The following FHOD3 variants were observed in gnomAD, a reference collection of about 807,000 sequenced individuals.
FHOD3 encodes the protein formin homology 2 domain containing 3, also known as FH1/FH2 domain-containing protein 3.
FHOD3 carries 90 observed loss-of-function variants against 173.0 expected under a neutral mutation model. The observed-to-expected ratio is 0.52, with a 90% CI of 0.44 to 0.62. The LOEUF (loss-of-function observed/expected upper bound fraction) is 0.62. Ranked by LOEUF, FHOD3 falls within the 20% of genes least tolerant of loss-of-function variation. The probability of loss-of-function intolerance (pLI) is 0.00; values close to 1 mark genes in which losing one functional copy is unlikely to be tolerated. For synonymous variants in FHOD3, 828 were observed against 823.0 expected (o/e 1.01, Z -0.10); for missense variants, 1,945 against 2,034.7 (o/e 0.96, Z 0.85).
At chr18:36,709,008 A>G in intron 17 of FHOD3, 87 bp from the exon 18 acceptor site, 3 of 1,499,844 alleles carry the variant, frequency 2.0e-6, no homozygotes, top group South Asian at 2.6e-5. Flanking sequence ...TCCACCACAG[A>G]GAAATCAACC....
chr18:36,769,436 T>C lies in FHOD3; in HGVS notation c.4786+10T>C, dbSNP rs1703154565. The C allele has an allele frequency of 6.2e-7, 1 of 1,613,464 alleles. No homozygotes were observed. The highest frequency in any genetic ancestry group is 1.7e-5 in the Admixed American group (1 of 59,954). On this transcript the variant is annotated intron_variant, in intron 28 of 28. Coordinates refer to ENST00000590592, the MANE Select transcript of FHOD3 (RefSeq NM_001281740.3). ...GCCAACCGGAAATCTTGTGAGTGCA[T>C]TAAAGGAGGGGCGAGCCTTCACCCC...
intron 3 of FHOD3, among the ~76,000 whole-genome samples, chr18:36,435,727 A>G (rs542000451): frequency 2.0e-5 from 3 of 152,304 alleles, no homozygotes; most frequent in East Asian, 3.9e-4. Context: ...GAATGCACAG[A>G]TTTGCTAAGT....
Position 36,642,839 on chromosome 18 carries a change from T to G in FHOD3, c.1197-6477T>G, listed in dbSNP as rs16968118. 6.1e-3 allele frequency among the ~76,000 whole-genome samples: 928 copies of G among 152,214 alleles called. 10 individuals carry two copies. Among genetic ancestry groups the G allele is most frequent in the African/African-American group, 0.021 (852 of 41,534 alleles). ...TCCCTAGGCCTGGGTAACCAATACTTAAATATGTGTTTATCACTGTCTTAC... is the reference window on the plus strand; with the variant it reads ...TCCCTAGGCCTGGGTAACCAATACTGAAATATGTGTTTATCACTGTCTTAC... On this transcript the variant is annotated intron_variant, in intron 10 of 28. Coordinates refer to ENST00000590592, the MANE Select transcript of FHOD3 (RefSeq NM_001281740.3).
chr18:36,518,347 G>A (rs2056101072), intron 5 of FHOD3, among the ~76,000 whole-genome samples: 3 of 152,156 alleles, frequency 2.0e-5, no homozygotes, highest in Non-Finnish European at 4.4e-5. Flanking sequence ...TGCCAGAAGG[G>A]TTTTCTGCTT....
At chr18:36,656,133 TC>T (rs1425382626) in intron 13 of FHOD3, among the ~76,000 whole-genome samples, 2 of 152,070 alleles carry the variant, frequency 1.3e-5, no homozygotes, top group African/African-American at 4.8e-5. Flanking sequence ...GCAGCCTCCT[TC>T]CCCTCCCTCA....
chr18:36,610,349 G>C (rs568761907), intron 8 of FHOD3, among the ~76,000 whole-genome samples: 2 of 152,194 alleles, frequency 1.3e-5, no homozygotes, highest in Admixed American at 6.5e-5. Context: ...TTCTTTGAAT[G>C]ATGTGCAATT....
intron 3 of FHOD3, among the ~76,000 whole-genome samples, chr18:36,470,083 G>C (rs939096066): frequency 1.3e-5 from 2 of 152,228 alleles, no homozygotes; most frequent in Non-Finnish European, 2.9e-5. Context: ...GATGGTAGGA[G>C]AGCGGGGTGC....
At chr18:36,372,872 GA>G (rs1162839446) in intron 3 of FHOD3, 128 bp downstream of exon 3, 2 of 748,090 alleles carry the variant, frequency 2.7e-6, no homozygotes, top group Non-Finnish European at 2.2e-6. Flanking sequence ...GAGTTTTAGT[GA>G]AACAATTTCC....
At chr18:36,528,148 G>A (rs1392527009) in intron 5 of FHOD3, among the ~76,000 whole-genome samples, 2 of 152,168 alleles carry the variant, frequency 1.3e-5, no homozygotes, top group African/African-American at 4.8e-5. Context: ...AATCAGCTGG[G>A]GATGGTTGTC....
intron 17 of FHOD3, among the ~76,000 whole-genome samples, chr18:36,702,032 G>A (rs752702833): frequency 3.9e-5 from 6 of 152,212 alleles, no homozygotes; most frequent in Non-Finnish European, 7.3e-5. Context: ...TTTTGCAAGT[G>A]ATAAGCTGTC....
chr18:36,573,471 T>C (rs1447729753), intron 5 of FHOD3, among the ~76,000 whole-genome samples: 1 of 146,432 alleles, frequency 6.8e-6, no homozygotes, highest in South Asian at 2.1e-4. Context: ...CTTGGTGTGG[T>C]GGCATGTGTC....
chr18:36,311,339 C>A (rs1568106072), intron 1 of FHOD3, among the ~76,000 whole-genome samples: 1 of 152,132 alleles, frequency 6.6e-6, no homozygotes, highest in Non-Finnish European at 1.5e-5. Flanking sequence ...TCCTTCCTCC[C>A]TTTCACAGAT....
intron 3 of FHOD3, among the ~76,000 whole-genome samples, chr18:36,373,370 A>G (rs1225174999): frequency 6.6e-6 from 1 of 152,208 alleles, no homozygotes; most frequent in Non-Finnish European, 1.5e-5. Flanking sequence ...GCTTTTGTTT[A>G]ATGTATGGTG....
chr18:36,453,551 C>T (rs997697969), intron 3 of FHOD3, among the ~76,000 whole-genome samples: 1 of 152,262 alleles, frequency 6.6e-6, no homozygotes, highest in African/African-American at 2.4e-5. Flanking sequence ...CCAGTTTTTG[C>T]TTTCATGGAG....
intron 1 of FHOD3, among the ~76,000 whole-genome samples, chr18:36,313,443 T>G (rs1025348281): frequency 6.6e-6 from 1 of 152,200 alleles, no homozygotes; most frequent in African/African-American, 2.4e-5. Flanking sequence ...CCTTTTGTAG[T>G]TGTGCATTCT....
chr18:36,642,516 G>A lies in FHOD3; in HGVS notation c.1197-6800G>A, dbSNP rs112439376. On this transcript the variant is annotated intron_variant, in intron 10 of 28. Transcript: ENST00000590592. ...TGCCTGTAGTTCCAGCTAGGAGGCGGAGCTTACGGTGAGCCGAGAGAGCGC... is the reference window on the plus strand; with the variant it reads ...TGCCTGTAGTTCCAGCTAGGAGGCGAAGCTTACGGTGAGCCGAGAGAGCGC... Among the ~76,000 whole-genome samples, 80 of 147,998 alleles carry A rather than the reference G, an allele frequency of 5.4e-4. 1 individual carries two copies. Among genetic ancestry groups the A allele is most frequent in the African/African-American group, 1.8e-3 (72 of 40,168 alleles).
intron 5 of FHOD3, among the ~76,000 whole-genome samples, chr18:36,524,366 C>G (rs1166298775): frequency 6.6e-6 from 1 of 151,534 alleles, no homozygotes; most frequent in Non-Finnish European, 1.5e-5. Context: ...ATTGGCAGGG[C>G]TAGTGTTAGT....
intron 10 of FHOD3, among the ~76,000 whole-genome samples, chr18:36,628,778 C>A (rs2148833252): frequency 6.6e-6 from 1 of 152,282 alleles, no homozygotes; most frequent in South Asian, 2.1e-4. Context: ...TGTCAAGTTC[C>A]CAAGAGATGG....
chr18:36,449,739 G>A (rs951180267), intron 3 of FHOD3, among the ~76,000 whole-genome samples: 5 of 152,028 alleles, frequency 3.3e-5, no homozygotes, highest in African/African-American at 4.8e-5. Flanking sequence ...TAATTAGTTT[G>A]TTCAGTAAAT....
Sources: gnomAD v4.1 joint callset for allele counts (sites outside exome capture counted in the v4.1 genomes callset) on GRCh38, gnomAD v4.1.1 for gene constraint, MANE v1.5 for transcripts, NCBI Gene and HGNC (gene_info 2026-07-23, HGNC 2026-07-21) for gene names.